AMY2B: variants seen among roughly 807,000 people sequenced by gnomAD.
The protein encoded by AMY2B is alpha-amylase 2B.
In AMY2B, 63 loss-of-function variants were observed where a neutral mutation model predicts 59.3. That is an observed-to-expected ratio of 1.06 (90% CI 0.87 to 1.31). AMY2B has a LOEUF of 1.31. Ranked by LOEUF, AMY2B falls within the 50% of genes most tolerant of loss-of-function variation. The probability of loss-of-function intolerance (pLI) is 0.00; values close to 1 mark genes in which losing one functional copy is unlikely to be tolerated. For synonymous variants in AMY2B, 180 were observed against 198.1 expected (o/e 0.91, Z 0.77); for missense variants, 635 against 626.7 (o/e 1.01, Z -0.14).
intron 1 of AMY2B, among the ~76,000 whole-genome samples, chr1:103,557,645 TAAA>T (rs746972250): frequency 4.2e-5 from 6 of 142,578 alleles, no homozygotes; most frequent in African/African-American, 1.0e-4. Context: ...GGAGTTAGAT[TAAA>T]AAAAAAAAAA....
At chr1:103,557,169 C>T (rs184454644) in intron 1 of AMY2B, among the ~76,000 whole-genome samples, 7 of 151,232 alleles carry the variant, frequency 4.6e-5, no homozygotes, top group East Asian at 1.9e-4. Context: ...CACACACACA[C>T]ACATACATAC....
intron 1 of AMY2B, among the ~76,000 whole-genome samples, chr1:103,564,213 A>G (rs570862831): frequency 2.0e-5 from 3 of 152,322 alleles, no homozygotes; most frequent in Non-Finnish European, 4.4e-5. Context: ...CATTTAGAGA[A>G]GTTATTTTCC....
upstream of AMY2B, chr1:103,568,914 G>GA (rs1652004907): frequency 6.6e-6 from 1 of 151,816 alleles, no homozygotes; most frequent in South Asian, 2.1e-4. Context: ...ATATATAAAG[G>GA]AAAAAGATTC....
At chr1:103,557,371 C>T (rs1020743457) in intron 1 of AMY2B, among the ~76,000 whole-genome samples, 2 of 152,082 alleles carry the variant, frequency 1.3e-5, no homozygotes, top group Non-Finnish European at 2.9e-5. Flanking sequence ...AAGAAAGAGG[C>T]CAGGTGCAGT....
chr1:103,558,097 C>A (rs879314085), intron 1 of AMY2B, among the ~76,000 whole-genome samples: 1 of 152,156 alleles, frequency 6.6e-6, no homozygotes, highest in Non-Finnish European at 1.5e-5. Context: ...ATCCGCCCTG[C>A]AAATGAAATA....
chr1:103,577,437 G>A, intron 7 of AMY2B, 53 bp from the exon 8 acceptor site: 2 of 1,611,428 alleles, frequency 1.2e-6, no homozygotes, highest in Non-Finnish European at 8.5e-7. Flanking sequence ...TAAAGGAGAA[G>A]GAAGAGGTAA....
intron 2 of AMY2B, 49 bp from the exon 3 acceptor site, chr1:103,573,014 A>G: frequency 2.5e-6 from 4 of 1,611,860 alleles, no homozygotes; most frequent in Non-Finnish European, 3.4e-6. Flanking sequence ...AATGCTTTAA[A>G]TTTCTGCCTC....
At chr1:103,577,919 G>C in intron 9 of AMY2B, 74 bp downstream of exon 9, 1 of 1,583,696 alleles carries the variant, frequency 6.3e-7, no homozygotes, top group Non-Finnish European at 8.5e-7. Flanking sequence ...TCTGTTCATT[G>C]ACATTTATCA....
At chr1:103,568,109 T>C (rs979575935), upstream of AMY2B, among the ~76,000 whole-genome samples, 4 of 152,218 alleles carry the variant, frequency 2.6e-5, no homozygotes, top group African/African-American at 9.6e-5. Flanking sequence ...GCTATTACTG[T>C]TATTTACTAA....
chr1:103,562,513 C>T (rs1034608117), intron 1 of AMY2B, among the ~76,000 whole-genome samples: 1 of 152,036 alleles, frequency 6.6e-6, no homozygotes, highest in Non-Finnish European at 1.5e-5. Context: ...GGAATTAAGA[C>T]TTTATTTTTT....
At chr1:103,574,493 A>G in intron 5 of AMY2B, 100 bp downstream of exon 5, 4 of 1,591,760 alleles carry the variant, frequency 2.5e-6, no homozygotes, top group Non-Finnish European at 3.4e-6. Flanking sequence ...TCAGACAACT[A>G]TCAAGGAGTC....
At chr1:103,565,557 C>T (rs1023858646) in exon 2 of AMY2B, 1 of 152,156 alleles carries the variant, frequency 6.6e-6, no homozygotes, top group Non-Finnish European at 1.5e-5. Flanking sequence ...GTTGGAATGA[C>T]TAGGGACAAC....
intron 7 of AMY2B, 36 bp from the exon 8 acceptor site, chr1:103,577,454 G>A (rs920610124): frequency 6.2e-7 from 1 of 1,611,710 alleles, no homozygotes; most frequent in Non-Finnish European, 8.5e-7. Flanking sequence ...GTAAATATAT[G>A]TATGTTAAAA....
chr1:103,577,452 A>T, intron 7 of AMY2B, 38 bp from the exon 8 acceptor site: 1 of 1,611,762 alleles, frequency 6.2e-7, no homozygotes, highest in Non-Finnish European at 8.5e-7. Flanking sequence ...AGGTAAATAT[A>T]TGTATGTTAA....
chr1:103,572,807 T>C (rs1652188689), intron 2 of AMY2B, among the ~76,000 whole-genome samples: 1 of 152,202 alleles, frequency 6.6e-6, no homozygotes, highest in Non-Finnish European at 1.5e-5. Context: ...GCTTTTTGCA[T>C]TTCCTCCTAT....
intron 7 of AMY2B, 82 bp from the exon 8 acceptor site, chr1:103,577,408 G>A: frequency 3.1e-6 from 5 of 1,606,598 alleles, no homozygotes; most frequent in Non-Finnish European, 3.4e-6. Flanking sequence ...ACAAGTAACA[G>A]GATAGGTTGG....
intron 9 of AMY2B, among the ~76,000 whole-genome samples, chr1:103,578,664 C>T (rs1361741590): frequency 6.6e-6 from 1 of 151,994 alleles, no homozygotes; most frequent in Non-Finnish European, 1.5e-5. Flanking sequence ...TAATTTCTTT[C>T]TTTTGTGGAT....
chr1:103,558,936 CAACAT>C (rs1408350452), intron 1 of AMY2B, among the ~76,000 whole-genome samples: 6 of 151,926 alleles, frequency 3.9e-5, no homozygotes, highest in Non-Finnish European at 8.8e-5. Context: ...ATTTTGTAAA[CAACAT>C]AATATAACAA....
chr1:103,574,626 G>A (rs1652273088), intron 5 of AMY2B, among the ~76,000 whole-genome samples: 1 of 152,042 alleles, frequency 6.6e-6, no homozygotes, highest in African/African-American at 2.4e-5. Context: ...TTCCGTCTAA[G>A]TACGAGATGA....
Sources: gnomAD v4.1 joint callset for allele counts (sites outside exome capture counted in the v4.1 genomes callset) on GRCh38, gnomAD v4.1.1 for gene constraint, MANE v1.5 for transcripts, NCBI Gene and HGNC (gene_info 2026-07-23, HGNC 2026-07-21) for gene names.